ERBB4: variants seen among roughly 807,000 people sequenced by gnomAD.
ERBB4 encodes erb-b2 receptor tyrosine kinase 4, also known as receptor tyrosine-protein kinase erbB-4.
A neutral mutation model predicts 158.0 loss-of-function variants in ERBB4; 42 were observed. That is an observed-to-expected ratio of 0.27 (90% CI 0.21 to 0.34). The LOEUF (loss-of-function observed/expected upper bound fraction) is 0.34. Among genes scored for constraint, ERBB4 ranks in the 10% least tolerant of loss-of-function variants. The probability of loss-of-function intolerance (pLI) is 1.00; values close to 1 mark genes in which losing one functional copy is unlikely to be tolerated. For synonymous variants in ERBB4, 583 were observed against 558.7 expected (o/e 1.04, Z -0.61); for missense variants, 1,333 against 1,624.1 (o/e 0.82, Z 3.08).
At chr2:211,848,384 C>A (rs1042190579) in intron 3 of ERBB4, among the ~76,000 whole-genome samples, 1 of 151,964 alleles carries the variant, frequency 6.6e-6, no homozygotes, top group Admixed American at 6.6e-5. Context: ...ATGGAAATTG[C>A]AATTGAACCT....
At chr2:211,475,572 C>G (rs1358151960) in intron 20 of ERBB4, among the ~76,000 whole-genome samples, 1 of 151,990 alleles carries the variant, frequency 6.6e-6, no homozygotes, top group Non-Finnish European at 1.5e-5. Context: ...TTGAAAACTA[C>G]AAAAACATCA....
chr2:212,004,996 A>G (rs2076226462), intron 2 of ERBB4, among the ~76,000 whole-genome samples: 1 of 152,136 alleles, frequency 6.6e-6, no homozygotes, highest in Non-Finnish European at 1.5e-5. Context: ...ATATTGGCTA[A>G]TTGTTTCTCT....
intron 1 of ERBB4, among the ~76,000 whole-genome samples, chr2:212,199,981 C>T (rs542944969): frequency 2.6e-5 from 4 of 152,186 alleles, no homozygotes; most frequent in Non-Finnish European, 5.9e-5. Context: ...TGTTACAGTA[C>T]TAGGTAACTA....
chr2:212,249,142 G>A (rs113052672), intron 1 of ERBB4, among the ~76,000 whole-genome samples: 3 of 151,984 alleles, frequency 2.0e-5, no homozygotes, highest in Non-Finnish European at 2.9e-5. Context: ...TATTGTTTGC[G>A]ATGAAGCATA....
chr2:211,985,758 CAAAT>C (rs2081921898), intron 2 of ERBB4, among the ~76,000 whole-genome samples: 1 of 151,836 alleles, frequency 6.6e-6, no homozygotes, highest in Admixed American at 6.6e-5. Flanking sequence ...TAAAAATACT[CAAAT>C]AATTCCAAAT....
chr2:212,320,663 A>C (rs1331508776), intron 1 of ERBB4, among the ~76,000 whole-genome samples: 1 of 149,876 alleles, frequency 6.7e-6, no homozygotes, highest in Admixed American at 6.7e-5. Context: ...GGGACACAGA[A>C]AGCCAGGGCT....
At chr2:211,986,528 A>C (rs1048789306) in intron 2 of ERBB4, among the ~76,000 whole-genome samples, 1 of 152,202 alleles carries the variant, frequency 6.6e-6, no homozygotes, top group African/African-American at 2.4e-5. Flanking sequence ...CGTGAGAGGA[A>C]GCCTTACATC....
chr2:211,585,213 G>A (rs189703018), intron 19 of ERBB4, among the ~76,000 whole-genome samples: 6 of 152,132 alleles, frequency 3.9e-5, no homozygotes, highest in Middle Eastern at 3.4e-3. Flanking sequence ...TTAGCTGGGC[G>A]TGGCAGCGGG....
At chr2:211,776,270 G>A (rs939967631) in intron 4 of ERBB4, among the ~76,000 whole-genome samples, 1 of 152,098 alleles carries the variant, frequency 6.6e-6, no homozygotes, top group Non-Finnish European at 1.5e-5. Context: ...TCTTTATGCC[G>A]AGTTCTATTA....
At chr2:211,587,164 C>A (rs1332681964) in intron 19 of ERBB4, among the ~76,000 whole-genome samples, 1 of 149,518 alleles carries the variant, frequency 6.7e-6, no homozygotes, top group Non-Finnish European at 1.5e-5. Flanking sequence ...CCAGCCTGGC[C>A]AAGATGGGTG....
intron 1 of ERBB4, among the ~76,000 whole-genome samples, chr2:212,159,816 C>T (rs2081151639): frequency 1.3e-5 from 2 of 151,966 alleles, no homozygotes; most frequent in African/African-American, 4.8e-5. Context: ...CATCCATATT[C>T]AAGGATCTTA....
intron 1 of ERBB4, among the ~76,000 whole-genome samples, chr2:212,141,648 C>A (rs910565043): frequency 1.2e-4 from 18 of 152,066 alleles, no homozygotes; most frequent in African/African-American, 4.1e-4. Context: ...AAAATCTAGT[C>A]AGTCAACTAT....
chr2:211,951,875 T>C (rs1380566772), intron 2 of ERBB4, among the ~76,000 whole-genome samples: 1 of 152,140 alleles, frequency 6.6e-6, no homozygotes, highest in African/African-American at 2.4e-5. Context: ...AGAATGCATG[T>C]CTAAGCCATT....
intron 1 of ERBB4, among the ~76,000 whole-genome samples, chr2:212,476,865 A>T (rs1689431195): frequency 6.6e-6 from 1 of 152,148 alleles, no homozygotes; most frequent in African/African-American, 2.4e-5. Context: ...ATCATCACGA[A>T]GCAAAACCAA....
At chr2:211,810,054 ATAGT>A (rs1441536576) in intron 3 of ERBB4, among the ~76,000 whole-genome samples, 6 of 152,226 alleles carry the variant, frequency 3.9e-5, no homozygotes, top group Admixed American at 1.3e-4. Flanking sequence ...GGTCTGAGAG[ATAGT>A]TTGTTGTGAT....
chr2:211,785,872 T>C (rs55764330), intron 4 of ERBB4, among the ~76,000 whole-genome samples: 4,443 of 152,282 alleles, frequency 0.029, 221 homozygotes, highest in African/African-American at 0.1. Flanking sequence ...TTTATGTATT[T>C]ATTGATTGCT....
intron 1 of ERBB4, among the ~76,000 whole-genome samples, chr2:212,481,684 A>T (rs1439311147): frequency 1.3e-5 from 2 of 152,172 alleles, no homozygotes; most frequent in East Asian, 3.8e-4. Context: ...AACAAATACT[A>T]ATTTTCTTCT....
chr2:211,485,857 A>T (rs946149113), intron 20 of ERBB4, among the ~76,000 whole-genome samples: 3 of 141,606 alleles, frequency 2.1e-5, no homozygotes, highest in African/African-American at 8.3e-5. Context: ...AAAGTATAAT[A>T]AAAAAAGAAA....
chr2:212,028,984 C>G (rs1228045579), intron 2 of ERBB4, among the ~76,000 whole-genome samples: 2 of 152,010 alleles, frequency 1.3e-5, no homozygotes, highest in African/African-American at 4.8e-5. Context: ...GGGGTGGAAG[C>G]AGATTTCCAC....
Sources: allele counts gnomAD v4.1 joint callset (sites outside exome capture counted in the v4.1 genomes callset), GRCh38; gene constraint gnomAD v4.1.1; transcripts MANE v1.5; gene names NCBI Gene and HGNC (gene_info 2026-07-23, HGNC 2026-07-21).